The following RBM20 variants were observed in gnomAD, a reference collection of about 807,000 sequenced individuals.
RBM20 encodes RNA-binding protein 20.
RBM20 carries 51 observed loss-of-function variants against 110.1 expected under a neutral mutation model. The observed-to-expected ratio is 0.46, with a 90% CI of 0.37 to 0.59. The LOEUF (loss-of-function observed/expected upper bound fraction) is 0.59, where lower values mean the gene tolerates loss of function less well. RBM20 is among the 20% of genes least tolerant of loss of function. The probability of loss-of-function intolerance (pLI) is 0.00; values close to 1 mark genes in which losing one functional copy is unlikely to be tolerated. For missense variants in RBM20, 1,512 were observed against 1,574.9 expected, an observed-to-expected ratio of 0.96 and a Z score of 0.68; for synonymous variants, 589 against 618.2, an observed-to-expected ratio of 0.95 and a Z score of 0.70.
chr10:110,660,462 C>T (rs151268204), intron 1 of RBM20, among the ~76,000 whole-genome samples: 2 of 152,274 alleles, frequency 1.3e-5, no homozygotes, highest in East Asian at 3.9e-4. Flanking sequence ...CTGTTAGGAA[C>T]GAGGCCACAC....
chr10:110,826,806 G>T (rs932449987), intron 12 of RBM20, among the ~76,000 whole-genome samples: 1 of 151,844 alleles, frequency 6.6e-6, no homozygotes, highest in Non-Finnish European at 1.5e-5. Context: ...TGAACTGTTG[G>T]GGTCTTGAAC....
Position 110,838,354 on chromosome 10 carries a change from C to A in RBM20, c.*2376C>A, listed in dbSNP as rs915217427. The stretch of plus-strand genomic sequence containing the variant: ...GGTATCTCAAATAAAGTCTGAAGAT[C>A]ACGGCTCAGCCCAGATTGTTCCCCT... On this transcript the variant is annotated 3_prime_UTR_variant, in exon 14 of 14. Transcript: ENST00000369519. 1 of 152,164 alleles carries A rather than the reference C, an allele frequency of 6.6e-6. No individual in the cohort carries two copies. The highest frequency in any genetic ancestry group is 1.5e-5 in the Non-Finnish European group (1 of 68,030). The allele number at this position is 152,164 out of a possible 1,614,324, so 9.4% of individuals were successfully genotyped here.
chr10:110,723,774 G>T (rs10787272), intron 1 of RBM20, among the ~76,000 whole-genome samples: 9 of 152,042 alleles, frequency 5.9e-5, no homozygotes, highest in African/African-American at 9.7e-5. Flanking sequence ...TTGGGTTATG[G>T]GTCTTTATTG....
chr10:110,701,492 A>G (rs144733678), intron 1 of RBM20, among the ~76,000 whole-genome samples: 1 of 152,290 alleles, frequency 6.6e-6, no homozygotes, highest in East Asian at 1.9e-4. Flanking sequence ...TTTCACTGTT[A>G]GTGTTAAGTT....
intron 1 of RBM20, among the ~76,000 whole-genome samples, chr10:110,734,298 G>A (rs1031769620): frequency 1.3e-5 from 2 of 152,146 alleles, no homozygotes; most frequent in African/African-American, 2.4e-5. Flanking sequence ...GCAGAAAGAG[G>A]GATGGAGAAG....
intron 1 of RBM20, among the ~76,000 whole-genome samples, chr10:110,687,150 A>C (rs1862517638): frequency 6.6e-6 from 1 of 152,272 alleles, no homozygotes; most frequent in Non-Finnish European, 1.5e-5. Context: ...ATGAAAAGTA[A>C]GAATGTAAAT....
In RBM20 at chr10:110,783,380, T is replaced by C. The variant is rs1298729197; in HGVS notation, c.1290T>C (p.His430=). Residue 430 remains histidine, a synonymous_variant, in exon 3 of 14, where the codon CAT becomes CAC. Transcript: ENST00000369519. ...KVFDLKDWEL[H]VKGKLHAQKC... is the part of the protein sequence containing the mutation. ...TTCTGACCTAGGACTGGGAGCTGCA[T>C]GTGAAAGGGAAGCTGCACGCTCAGA... The C allele has an allele frequency of 2.6e-5, 41 of 1,551,312 alleles. No individual in the cohort carries two copies. The highest frequency in any genetic ancestry group is 3.3e-5 in the Non-Finnish European group (38 of 1,146,758).
chr10:110,692,364 A>G (rs1862598123), intron 1 of RBM20, among the ~76,000 whole-genome samples: 1 of 152,202 alleles, frequency 6.6e-6, no homozygotes, highest in South Asian at 2.1e-4. Flanking sequence ...TTACAATATT[A>G]AGTCTACCAA....
chr10:110,808,150 G>A (rs1844719234), intron 7 of RBM20, among the ~76,000 whole-genome samples: 1 of 152,248 alleles, frequency 6.6e-6, no homozygotes, highest in African/African-American at 2.4e-5. Flanking sequence ...GACCTGCTTG[G>A]TGGGATCCAC....
intron 1 of RBM20, among the ~76,000 whole-genome samples, chr10:110,695,796 C>T (rs1264152655): frequency 2.0e-5 from 3 of 152,214 alleles, no homozygotes; most frequent in Admixed American, 6.5e-5. Flanking sequence ...TGAGAGGTAG[C>T]AATCCATTTT....
At chr10:110,704,850 G>A (rs377342600) in intron 1 of RBM20, among the ~76,000 whole-genome samples, 141 of 152,314 alleles carry the variant, frequency 9.3e-4, no homozygotes, top group African/African-American at 3.2e-3. Flanking sequence ...TGGTGCCACC[G>A]ATGGCTGAGT....
intron 1 of RBM20, among the ~76,000 whole-genome samples, chr10:110,672,355 T>C (rs1249692498): frequency 6.6e-6 from 1 of 152,208 alleles, no homozygotes; most frequent in East Asian, 1.9e-4. Flanking sequence ...TCAACCCTCG[T>C]GTTTGAAAAC....
At position 110,797,597 on chromosome 10, in the gene RBM20, G is replaced by T. The variant is rs761674598; in HGVS notation, c.1617G>T (p.Gly539=). The change falls in exon 6 of 14, where the codon GGG becomes GGT. Residue 539 remains glycine, a synonymous_variant. Coordinates refer to ENST00000369519, the MANE Select transcript of RBM20 (RefSeq NM_001134363.3). ...SCTENDVINL[G]LPFGKVTNYI... ...CTGAGAATGACGTCATTAACCTGGG[G>T]CTGCCCTTTGGAAAGGTCACTAATT... 2.8e-5 allele frequency: 43 copies of T among 1,551,634 alleles called. 1 individual carries two copies. In the Middle Eastern group the frequency reaches 2.2e-3, roughly 78 times the overall value.
chr10:110,654,188 AT>A (rs1211565165), intron 1 of RBM20, among the ~76,000 whole-genome samples: 5 of 152,228 alleles, frequency 3.3e-5, no homozygotes, highest in African/African-American at 7.2e-5. Context: ...TTGATTAAAT[AT>A]TTAAGGAGCA....
chr10:110,727,882 A>G (rs1181996782), intron 1 of RBM20, among the ~76,000 whole-genome samples: 1 of 151,952 alleles, frequency 6.6e-6, no homozygotes, highest in Admixed American at 6.6e-5. Flanking sequence ...ACTCCCACTT[A>G]TGAGTGAGAA....
intron 1 of RBM20, among the ~76,000 whole-genome samples, chr10:110,780,264 A>G (rs1844319745): frequency 6.6e-6 from 1 of 152,142 alleles, no homozygotes; most frequent in Admixed American, 6.5e-5. Flanking sequence ...CCATCTCGCT[A>G]TTGTTGGATA....
At chr10:110,677,049 A>G (rs1020217482) in intron 1 of RBM20, among the ~76,000 whole-genome samples, 1 of 152,192 alleles carries the variant, frequency 6.6e-6, no homozygotes, top group Admixed American at 6.5e-5. Context: ...TATTATAGTT[A>G]TGGGGGCTGA....
At chr10:110,807,333 T>G (rs1339814220) in intron 7 of RBM20, among the ~76,000 whole-genome samples, 1 of 151,966 alleles carries the variant, frequency 6.6e-6, no homozygotes, top group African/African-American at 2.4e-5. Context: ...GTTAAGAAAA[T>G]AAGGGGCAGA....
chr10:110,783,245 C>T (rs1300865580), intron 2 of RBM20, 121 bp from the exon 3 acceptor site: 5 of 689,952 alleles, frequency 7.2e-6, no homozygotes, highest in African/African-American at 1.8e-5. Context: ...GATGTGTCTG[C>T]AGGGGTGGTC....
Sources: gnomAD v4.1 joint callset for allele counts (sites outside exome capture counted in the v4.1 genomes callset) on GRCh38, gnomAD v4.1.1 for gene constraint, MANE v1.5 for transcripts, NCBI Gene and HGNC (gene_info 2026-07-23, HGNC 2026-07-21) for gene names.